The following PAX5 variants were observed in gnomAD, a reference collection of about 807,000 sequenced individuals.
The protein encoded by PAX5 is paired box 5, also known as paired box protein Pax-5.
Under a neutral mutation model 43.7 loss-of-function variants are expected in PAX5, and 9 were observed. That is an observed-to-expected ratio of 0.21 (90% CI 0.12 to 0.36). The LOEUF (loss-of-function observed/expected upper bound fraction) is 0.36, where lower values mean the gene tolerates loss of function less well. Among genes scored for constraint, PAX5 ranks in the 10% least tolerant of loss-of-function variants. The pLI is 1.00. For synonymous variants in PAX5, 228 were observed against 214.3 expected (o/e 1.06, Z -0.56); for missense variants, 383 against 532.7 (o/e 0.72, Z 2.77).
chr9:36,889,270 C>T (rs1216270554), intron 7 of PAX5, among the ~76,000 whole-genome samples: 2 of 152,090 alleles, frequency 1.3e-5, no homozygotes, highest in African/African-American at 4.8e-5. Flanking sequence ...GTTATAATCC[C>T]CATTTTACAA....
chr9:36,919,980 G>C (rs1320340046), intron 7 of PAX5, among the ~76,000 whole-genome samples: 1 of 152,076 alleles, frequency 6.6e-6, no homozygotes, highest in Non-Finnish European at 1.5e-5. Context: ...ACTCACTTCA[G>C]TGGAGGAAGT....
At chr9:36,922,658 G>T (rs1207641261) in intron 7 of PAX5, 2 of 152,328 alleles carry the variant, frequency 1.3e-5, no homozygotes, top group Non-Finnish European at 2.9e-5. Context: ...GAGAGTCCAA[G>T]CACCTTCCAC....
At chr9:36,927,079 G>A (rs1281972540) in intron 6 of PAX5, among the ~76,000 whole-genome samples, 3 of 152,172 alleles carry the variant, frequency 2.0e-5, no homozygotes, top group Non-Finnish European at 4.4e-5. Context: ...TAGAGGGGGT[G>A]CAAGCGTAAA....
intron 3 of PAX5, among the ~76,000 whole-genome samples, chr9:37,013,455 A>G (rs1220999291): frequency 6.6e-6 from 1 of 152,204 alleles, no homozygotes; most frequent in Admixed American, 6.5e-5. Flanking sequence ...GTGGGTCCCC[A>G]AAGCCTGACC....
Position 37,001,827 on chromosome 9 carries a change from T to TTTTTC in PAX5, c.604+820_604+821insGAAAA, listed in dbSNP as rs1837885156. ...AGCTCTGGCTTTTTTTTTTTTTTTTTTTTTTTTCTTTTCCTGACTAAGGTT... is the reference window on the plus strand; with the variant it reads ...AGCTCTGGCTTTTTTTTTTTTTTTTTTTTTCTTTTTTTCTTTTCCTGACTAAGGTT... On this transcript the variant is annotated intron_variant, in intron 5 of 9. Transcript: ENST00000358127. Among the ~76,000 whole-genome samples the TTTTTC allele has an allele frequency of 3.8e-5, 5 of 133,006 alleles. No homozygotes were observed. In the South Asian group the frequency reaches 7.6e-4, roughly 20 times the overall value. The allele number at this position is 133,006 out of a possible 152,430, so 87.3% of individuals were successfully genotyped here. A position where few individuals can be genotyped will look rare whatever the true frequency, so the allele number is the denominator to read the frequency against.
intron 1 of PAX5, among the ~76,000 whole-genome samples, chr9:37,030,024 G>A (rs1457744343): frequency 1.3e-5 from 2 of 152,194 alleles, no homozygotes; most frequent in African/African-American, 2.4e-5. Context: ...GCACACGCAG[G>A]TTTTCCTTCG....
chr9:36,930,937 G>A lies in PAX5; in HGVS notation c.781-7453C>T, dbSNP rs912535988. The A allele has an allele frequency of 3.4e-6, 3 of 869,868 alleles. No homozygotes were observed. The African/African-American group carries it at 5.1e-5, about 15-fold the overall frequency. The allele number at this position is 869,868 out of a possible 1,614,324, so 53.9% of individuals were successfully genotyped here. A position where few individuals can be genotyped will look rare whatever the true frequency, so the allele number is the denominator to read the frequency against. On this transcript the variant is annotated intron_variant, in intron 6 of 9. Coordinates refer to ENST00000358127, the MANE Select transcript of PAX5 (RefSeq NM_016734.3). ...CACCAAGTATTGTCTCATCAGCACG[G>A]GGCACCACTGCCATAGCATGGAGGA...
At chr9:36,990,392 C>G (rs927189372) in intron 5 of PAX5, among the ~76,000 whole-genome samples, 2 of 152,088 alleles carry the variant, frequency 1.3e-5, no homozygotes, top group Non-Finnish European at 2.9e-5. Context: ...TTTGGTATGA[C>G]TGGAGTGCGC....
intron 8 of PAX5, among the ~76,000 whole-genome samples, chr9:36,869,557 A>G (rs1825218965): frequency 1.3e-5 from 2 of 152,190 alleles, no homozygotes; most frequent in Admixed American, 1.3e-4. Context: ...GCCCTACTGT[A>G]CAGAGATTCC....
At chr9:37,027,621 G>A (rs1347988569) in intron 1 of PAX5, among the ~76,000 whole-genome samples, 1 of 152,200 alleles carries the variant, frequency 6.6e-6, no homozygotes. Context: ...CGCCGCCGCC[G>A]TCGCTAGCCC....
intron 8 of PAX5, among the ~76,000 whole-genome samples, chr9:36,850,877 C>A (rs1252209641): frequency 6.6e-6 from 1 of 152,234 alleles, no homozygotes; most frequent in African/African-American, 2.4e-5. Context: ...CAGGAGCAAG[C>A]AGTCCCGGGG....
chr9:36,982,098 C>G (rs1835989072), intron 5 of PAX5, among the ~76,000 whole-genome samples: 1 of 152,134 alleles, frequency 6.6e-6, no homozygotes, highest in South Asian at 2.1e-4. Context: ...AACCCCACCT[C>G]TAGTAAAAAT....
At chr9:36,951,392 ACT>A (rs1832995604) in intron 6 of PAX5, among the ~76,000 whole-genome samples, 2 of 151,952 alleles carry the variant, frequency 1.3e-5, no homozygotes, top group African/African-American at 2.4e-5. Flanking sequence ...ATATTTAGAG[ACT>A]CTGTTGCCAA....
chr9:36,908,408 A>T (rs374985854), intron 7 of PAX5, among the ~76,000 whole-genome samples: 2 of 151,624 alleles, frequency 1.3e-5, no homozygotes, highest in African/African-American at 4.8e-5. Flanking sequence ...TTTCTTTTTC[A>T]TTTTTGTTTT....
At chr9:36,865,232 G>A (rs578007643) in intron 8 of PAX5, among the ~76,000 whole-genome samples, 3 of 152,118 alleles carry the variant, frequency 2.0e-5, no homozygotes, top group Admixed American at 6.5e-5. Context: ...GAGGCCCAGG[G>A]TGAGCCCGGC....
chr9:36,955,814 CAT>C (rs1564007286), intron 6 of PAX5, among the ~76,000 whole-genome samples: 11 of 148,804 alleles, frequency 7.4e-5, no homozygotes, highest in Middle Eastern at 3.5e-3. Flanking sequence ...CCCACACACA[CAT>C]ATATATATAA....
intron 5 of PAX5, among the ~76,000 whole-genome samples, chr9:36,976,070 CAG>C (rs1835401669): frequency 6.6e-6 from 1 of 152,158 alleles, no homozygotes; most frequent in African/African-American, 2.4e-5. Context: ...TCAGTGATCT[CAG>C]AGGAGGAAAA....
In PAX5 at chr9:36,923,435, A is replaced by G; in HGVS notation, c.830T>C (p.Met277Thr). The stretch of plus-strand genomic sequence containing the variant: ...GGTGGGGCTGGCCAGATTGGCCTTC[A>G]TGTCGTCCAGCCCACCAGCCAGCGA... Reference protein sequence around the residue: ...MASLAGGLDDMKANLASPTPA... With the variant: ...MASLAGGLDDTKANLASPTPA... The change falls in exon 7 of 10, where the codon ATG becomes ACG. Residue 277 changes from methionine (M) to threonine (T), a missense_variant. Coordinates refer to ENST00000358127, the MANE Select transcript of PAX5 (RefSeq NM_016734.3). 2 of 1,612,814 alleles carry G rather than the reference A, an allele frequency of 1.2e-6. No individual in the cohort carries two copies. The highest frequency in any genetic ancestry group is 2.2e-5 in the East Asian group (1 of 44,872).
chr9:36,901,130 A>C (rs1226431089), intron 7 of PAX5, among the ~76,000 whole-genome samples: 1 of 152,004 alleles, frequency 6.6e-6, no homozygotes, highest in Non-Finnish European at 1.5e-5. Flanking sequence ...CCCTCTGTCA[A>C]GACCCCACAG....
Sources: allele counts gnomAD v4.1 joint callset (sites outside exome capture counted in the v4.1 genomes callset), GRCh38; gene constraint gnomAD v4.1.1; transcripts MANE v1.5; gene names NCBI Gene and HGNC (gene_info 2026-07-23, HGNC 2026-07-21).